TG: variants seen among roughly 807,000 people sequenced by gnomAD.
TG encodes the protein thyroglobulin.
A neutral mutation model predicts 324.7 loss-of-function variants in TG; 270 were observed. That is an observed-to-expected ratio of 0.83 (90% CI 0.75 to 0.92). The LOEUF is 0.92. Among genes scored for constraint, TG ranks in the 40% least tolerant of loss-of-function variants. The pLI is 0.00. For missense variants in TG, 3,591 were observed against 3,456.4 expected (o/e 1.04, Z -0.98); for synonymous variants, 1,401 against 1,327.0 (o/e 1.06, Z -1.21).
At chr8:132,964,358 C>T (rs1451982942) in intron 29 of TG, among the ~76,000 whole-genome samples, 1 of 152,058 alleles carries the variant, frequency 6.6e-6, no homozygotes, top group Non-Finnish European at 1.5e-5. Flanking sequence ...CTCAGTTTTC[C>T]CTTTCTCAGT....
At chr8:133,047,957 T>C (rs761048884) in intron 41 of TG, 2 of 1,469,094 alleles carry the variant, frequency 1.4e-6, no homozygotes, top group African/African-American at 1.4e-5. Context: ...AGACAGCCAT[T>C]AGGATCCGGA....
chr8:133,113,507 A>G lies in TG; in HGVS notation c.7658A>G (p.Asp2553Gly). 6.2e-7 allele frequency: 1 copy of G among 1,614,034 alleles called. No homozygotes were observed. Among genetic ancestry groups the G allele is most frequent in the East Asian group, 2.2e-5 (1 of 44,880 alleles). The change falls in exon 44 of 48, where the codon GAT (aspartate) becomes GGT (glycine). Residue 2553 changes from aspartate (D) to glycine (G), a missense_variant. By Grantham distance (94) the Asp-to-Gly change is moderately conservative. Transcript: ENST00000220616. ...LQNSLGGEDSDARVEAAATWY... is the reference protein window; with the variant it reads ...LQNSLGGEDSGARVEAAATWY... Reference sequence around the variant, plus strand: ...AATTCTCTGGGTGGCGAGGACTCAGATGCCCGCGTCGAGGCTGCTGCTACA... The same window carrying G: ...AATTCTCTGGGTGGCGAGGACTCAGGTGCCCGCGTCGAGGCTGCTGCTACA...
At chr8:133,022,313 C>T (rs1835640485) in intron 40 of TG, among the ~76,000 whole-genome samples, 163 bp downstream of exon 40, 2 of 152,166 alleles carry the variant, frequency 1.3e-5, no homozygotes, top group South Asian at 4.1e-4. Flanking sequence ...ATACTGACAC[C>T]CATAGACAAG....
chr8:133,118,987 G>A (rs1850930025), intron 45 of TG, among the ~76,000 whole-genome samples: 1 of 152,184 alleles, frequency 6.6e-6, no homozygotes, highest in South Asian at 2.1e-4. Flanking sequence ...TGTGATCACA[G>A]AGACTGGAGT....
intron 41 of TG, among the ~76,000 whole-genome samples, chr8:133,055,363 GCGCACACA>G (rs1398557248): frequency 8.1e-4 from 26 of 32,020 alleles, no homozygotes; most frequent in South Asian, 3.4e-3. Flanking sequence ...ACACGCACGC[GCGCACACA>G]CACACACACA....
chr8:132,901,107 A>G (rs563656688), intron 15 of TG, among the ~76,000 whole-genome samples: 1 of 152,076 alleles, frequency 6.6e-6, no homozygotes, highest in South Asian at 2.1e-4. Flanking sequence ...GTACTTGTTA[A>G]CTCTCCTTTA....
rs527275896 is a variant in TG at position 132,989,011 on chromosome 8, A to G, written c.6262+5599A>G. On this transcript the variant is annotated intron_variant, in intron 35 of 47. Coordinates refer to ENST00000220616, the MANE Select transcript of TG (RefSeq NM_003235.5). ...CTCCATGTGGCTGGGGAGGCCTCAC[A>G]ATCATGGCAGAAGGCAAGGAGGAAC... The G allele has an allele frequency of 9.6e-6, 5 of 523,048 alleles. No homozygotes were observed. In the African/African-American group the frequency reaches 1.0e-4, roughly 11 times the overall value. 32.4% of individuals were successfully genotyped at this position (523,048 alleles called of 1,614,324 possible).
chr8:133,093,139 CTT>C (rs752795832), intron 41 of TG, among the ~76,000 whole-genome samples: 84 of 146,352 alleles, frequency 5.7e-4, no homozygotes, highest in South Asian at 8.6e-4. Context: ...CTTTTCTTTT[CTT>C]TTTTTTTTTT....
chr8:133,002,132 T>G, intron 35 of TG: 1 of 985,478 alleles, frequency 1.0e-6, no homozygotes, highest in Non-Finnish European at 1.2e-6. Flanking sequence ...TTTGACATTC[T>G]GCCCTTGGAT....
intron 41 of TG, among the ~76,000 whole-genome samples, chr8:133,044,807 TG>T (rs1159648231): frequency 1.6e-4 from 24 of 152,360 alleles, no homozygotes; most frequent in African/African-American, 5.8e-4. Flanking sequence ...TAAGGCAACA[TG>T]CACAGGCAGT....
At chr8:132,968,054 T>C in intron 31 of TG, 84 bp downstream of exon 31, 21 of 1,493,076 alleles carry the variant, frequency 1.4e-5, no homozygotes, top group Non-Finnish European at 1.8e-5. Flanking sequence ...CATTAGTTTC[T>C]TATTTAAAAA....
At chr8:133,119,343 T>C (rs1016615800) in intron 45 of TG, among the ~76,000 whole-genome samples, 1 of 152,182 alleles carries the variant, frequency 6.6e-6, no homozygotes, top group African/African-American at 2.4e-5. Context: ...TTACCTCTGT[T>C]TTACAGATAT....
At chr8:133,038,429 T>G in intron 41 of TG, 1 of 936,942 alleles carries the variant, frequency 1.1e-6, no homozygotes, top group Non-Finnish European at 1.7e-6. Flanking sequence ...TACGTGAGGC[T>G]CCCAGGGATC....
intron 36 of TG, among the ~76,000 whole-genome samples, chr8:133,012,542 T>C (rs545262777): frequency 6.6e-6 from 1 of 152,344 alleles, no homozygotes; most frequent in South Asian, 2.1e-4. Context: ...ATTGTTGGTA[T>C]TTAAACAAAA....
intron 41 of TG, among the ~76,000 whole-genome samples, chr8:133,067,919 G>GGAAGGAAGGAAGGAAGA (rs1587972683): frequency 2.1e-4 from 18 of 85,824 alleles, no homozygotes; most frequent in Non-Finnish European, 2.4e-4. Context: ...AGGAAGGAAA[G>GGAAGGAAGGAAGGAAGA]AGAGAGAGAG....
chr8:132,932,799 C>T (rs931975441), intron 23 of TG, among the ~76,000 whole-genome samples: 1 of 152,202 alleles, frequency 6.6e-6, no homozygotes, highest in African/African-American at 2.4e-5. Context: ...ATCATTCAAT[C>T]CCTTGCAGGG....
intron 35 of TG, among the ~76,000 whole-genome samples, chr8:132,990,301 G>A (rs1832153122): frequency 6.6e-6 from 1 of 151,700 alleles, no homozygotes; most frequent in Non-Finnish European, 1.5e-5. Context: ...ATTTTTAGTT[G>A]ACATATAATA....
At chr8:132,995,087 A>G in intron 35 of TG, 1 of 965,974 alleles carries the variant, frequency 1.0e-6, no homozygotes, top group African/African-American at 1.9e-5. Flanking sequence ...AGCCAGGCAA[A>G]AGCAGAAGCT....
intron 26 of TG, among the ~76,000 whole-genome samples, chr8:132,948,074 C>G (rs1825576068): frequency 6.6e-6 from 1 of 152,222 alleles, no homozygotes; most frequent in Non-Finnish European, 1.5e-5. Context: ...CATATGGACA[C>G]ACAGTCTCTG....
Sources: gnomAD v4.1 joint callset for allele counts (sites outside exome capture counted in the v4.1 genomes callset) on GRCh38, gnomAD v4.1.1 for gene constraint, MANE v1.5 for transcripts, NCBI Gene and HGNC (gene_info 2026-07-23, HGNC 2026-07-21) for gene names.